Variants in ZFPM2 observed in about 807,000 individuals in gnomAD.
The protein encoded by ZFPM2 is zinc finger protein ZFPM2.
Under a neutral mutation model 98.6 loss-of-function variants are expected in ZFPM2, and 20 were observed. The observed-to-expected ratio is 0.20, with a 90% confidence interval of 0.14 to 0.29. The LOEUF is 0.29. Ranked by LOEUF, ZFPM2 falls within the 10% of genes least tolerant of loss-of-function variation. The probability of loss-of-function intolerance (pLI) is 1.00; values close to 1 mark genes in which losing one functional copy is unlikely to be tolerated. For synonymous variants in ZFPM2, 518 were observed against 502.7 expected (o/e 1.03, Z -0.41); for missense variants, 1,310 against 1,388.6 (o/e 0.94, Z 0.90).
intron 1 of ZFPM2, among the ~76,000 whole-genome samples, chr8:105,399,740 A>G (rs1458784104): frequency 6.6e-6 from 1 of 152,112 alleles, no homozygotes; most frequent in Non-Finnish European, 1.5e-5. Flanking sequence ...AATATTCAGA[A>G]GCTCTAACTA....
At chr8:105,625,891 A>T (rs1252029284) in intron 4 of ZFPM2, among the ~76,000 whole-genome samples, 1 of 151,850 alleles carries the variant, frequency 6.6e-6, no homozygotes, top group Non-Finnish European at 1.5e-5. Flanking sequence ...TTTATATCAC[A>T]TCAATAATGT....
intron 5 of ZFPM2, among the ~76,000 whole-genome samples, chr8:105,758,287 A>T (rs1426899969): frequency 1.3e-5 from 2 of 152,112 alleles, no homozygotes; most frequent in Admixed American, 1.3e-4. Context: ...CAAGATCATG[A>T]TGTCACTGCA....
chr8:105,714,993 T>A (rs1458932660), intron 5 of ZFPM2, among the ~76,000 whole-genome samples: 2 of 152,090 alleles, frequency 1.3e-5, no homozygotes, highest in Non-Finnish European at 2.9e-5. Flanking sequence ...CTGATGTAGG[T>A]CTTTGGTGTT....
chr8:105,728,035 A>G (rs1489018535), intron 5 of ZFPM2, among the ~76,000 whole-genome samples: 1 of 151,706 alleles, frequency 6.6e-6, no homozygotes, highest in Non-Finnish European at 1.5e-5. Flanking sequence ...AGATGAGATT[A>G]GAAAGACAGT....
chr8:105,400,687 T>G (rs1811322667), intron 1 of ZFPM2, among the ~76,000 whole-genome samples: 1 of 152,190 alleles, frequency 6.6e-6, no homozygotes, highest in Non-Finnish European at 1.5e-5. Flanking sequence ...TGGACTATAG[T>G]ATTTGTTTGC....
At chr8:105,399,043 T>G (rs1811281140) in intron 1 of ZFPM2, among the ~76,000 whole-genome samples, 1 of 151,998 alleles carries the variant, frequency 6.6e-6, no homozygotes, top group Non-Finnish European at 1.5e-5. Context: ...GAAAGAGCTC[T>G]GGGGTTGGGA....
intron 4 of ZFPM2, among the ~76,000 whole-genome samples, chr8:105,624,251 A>T (rs1285315094): frequency 1.3e-5 from 2 of 152,188 alleles, no homozygotes; most frequent in Non-Finnish European, 2.9e-5. Flanking sequence ...CTTCCCAGAG[A>T]TTCAGCACTG....
chr8:105,553,872 G>A (rs1814922197), intron 3 of ZFPM2, among the ~76,000 whole-genome samples: 1 of 152,002 alleles, frequency 6.6e-6, no homozygotes, highest in South Asian at 2.1e-4. Context: ...GTTGTCAGCA[G>A]GATAAGTTCA....
At chr8:105,665,183 T>A (rs1221746354) in intron 5 of ZFPM2, among the ~76,000 whole-genome samples, 1 of 152,076 alleles carries the variant, frequency 6.6e-6, no homozygotes, top group Non-Finnish European at 1.5e-5. Flanking sequence ...CAATCCACTC[T>A]CATGATAACT....
At chr8:105,516,895 C>T (rs1813934246) in intron 3 of ZFPM2, among the ~76,000 whole-genome samples, 1 of 152,162 alleles carries the variant, frequency 6.6e-6, no homozygotes, top group Admixed American at 6.5e-5. Context: ...AGTGAGGTCC[C>T]ACAATTAGCC....
At chr8:105,605,447 G>A (rs1300888295) in intron 4 of ZFPM2, among the ~76,000 whole-genome samples, 1 of 152,044 alleles carries the variant, frequency 6.6e-6, no homozygotes, top group Non-Finnish European at 1.5e-5. Context: ...AATTAAATTA[G>A]CAACTGATTT....
chr8:105,673,618 A>T (rs1817638240), intron 5 of ZFPM2, among the ~76,000 whole-genome samples: 1 of 152,082 alleles, frequency 6.6e-6, no homozygotes, highest in Non-Finnish European at 1.5e-5. Flanking sequence ...GCCCTCCCCA[A>T]GAGTTCCTCC....
At chr8:105,339,983 T>C (rs889220886) in intron 1 of ZFPM2, among the ~76,000 whole-genome samples, 2 of 151,914 alleles carry the variant, frequency 1.3e-5, no homozygotes, top group Admixed American at 1.3e-4. Context: ...TGTTACAGGA[T>C]TTGAAAATAT....
At chr8:105,470,445 G>A (rs1436583215) in intron 3 of ZFPM2, among the ~76,000 whole-genome samples, 1 of 152,152 alleles carries the variant, frequency 6.6e-6, no homozygotes, top group East Asian at 1.9e-4. Flanking sequence ...GGTACCTGGG[G>A]ATGGTAAACA....
intron 5 of ZFPM2, among the ~76,000 whole-genome samples, chr8:105,634,644 A>G (rs1386977855): frequency 1.3e-5 from 2 of 152,120 alleles, no homozygotes; most frequent in Non-Finnish European, 2.9e-5. Context: ...TGCTGTTAGT[A>G]TCATTGATAG....
At chr8:105,651,579 A>G (rs370832622) in intron 5 of ZFPM2, among the ~76,000 whole-genome samples, 1 of 151,914 alleles carries the variant, frequency 6.6e-6, no homozygotes, top group African/African-American at 2.4e-5. Context: ...AACAGGTACC[A>G]TTAAATATTT....
At chr8:105,698,162 C>T (rs1811062585) in intron 5 of ZFPM2, among the ~76,000 whole-genome samples, 1 of 152,138 alleles carries the variant, frequency 6.6e-6, no homozygotes, top group African/African-American at 2.4e-5. Context: ...TGCTAATTAC[C>T]TTTGAATACT....
At chr8:105,615,295 G>A (rs1238223890) in intron 4 of ZFPM2, among the ~76,000 whole-genome samples, 1 of 152,130 alleles carries the variant, frequency 6.6e-6, no homozygotes, top group Non-Finnish European at 1.5e-5. Context: ...CACAGTCTCA[G>A]AAGATATGGA....
intron 3 of ZFPM2, among the ~76,000 whole-genome samples, chr8:105,488,631 G>A (rs1180508651): frequency 6.6e-6 from 1 of 152,192 alleles, no homozygotes; most frequent in East Asian, 1.9e-4. Flanking sequence ...GGGCATGGTG[G>A]TGCGCGCCTG....
Sources: gnomAD v4.1 joint callset for allele counts (sites outside exome capture counted in the v4.1 genomes callset) on GRCh38, gnomAD v4.1.1 for gene constraint, MANE v1.5 for transcripts, NCBI Gene and HGNC (gene_info 2026-07-23, HGNC 2026-07-21) for gene names.